Variants in KIFBP observed in about 807,000 individuals in gnomAD.
KIFBP encodes KIF-binding protein.
Under a neutral mutation model 58.9 loss-of-function variants are expected in KIFBP, and 46 were observed. The ratio of observed to expected loss-of-function variants is 0.78; its 90% CI spans 0.62 to 1.00. The LOEUF (loss-of-function observed/expected upper bound fraction) is 1.00. KIFBP is among the 50% of genes least tolerant of loss of function. The probability of loss-of-function intolerance (pLI) is 0.00; values close to 1 mark genes in which losing one functional copy is unlikely to be tolerated. For synonymous variants in KIFBP, 241 were observed against 283.4 expected (o/e 0.85, Z 1.50); for missense variants, 651 against 752.9 (o/e 0.86, Z 1.58).
intron 2 of KIFBP, 44 bp downstream of exon 2, chr10:69,000,566 GT>G: frequency 8.6e-7 from 1 of 1,165,092 alleles, no homozygotes; most frequent in Non-Finnish European, 1.3e-6. Flanking sequence ...ATTGAAACTA[GT>G]TAAGAATTGA....
At chr10:68,989,669 C>T (rs978909518) in intron 1 of KIFBP, 2 of 210,504 alleles carry the variant, frequency 9.5e-6, no homozygotes, top group African/African-American at 4.7e-5. Context: ...TGACAATGAC[C>T]GGAGTACATT....
intron 4 of KIFBP, 59 bp downstream of exon 4, chr10:69,005,974 C>G: frequency 2.1e-6 from 3 of 1,433,764 alleles, no homozygotes; most frequent in Non-Finnish European, 2.9e-6. Context: ...AAAATAGAAC[C>G]AGTAGTACCT....
intron 1 of KIFBP, chr10:68,989,680 CT>C: frequency 5.1e-6 from 1 of 197,772 alleles, no homozygotes; most frequent in Non-Finnish European, 1.0e-5. Context: ...GGAGTACATT[CT>C]TTTTTGGTTT....
intron 1 of KIFBP, among the ~76,000 whole-genome samples, chr10:68,998,006 C>A (rs143408805): frequency 0.058 from 8,758 of 152,108 alleles, 303 homozygotes; most frequent in Middle Eastern, 0.11. Flanking sequence ...CCAGCCATAC[C>A]TCCTGTACAG....
At chr10:69,007,839 G>A (rs997263899) in intron 4 of KIFBP, 8 of 152,248 alleles carry the variant, frequency 5.3e-5, no homozygotes, top group African/African-American at 1.4e-4. Context: ...CTGCTGGGTG[G>A]TCCTTTGACT....
chr10:69,008,391 A>AAAAAAATATATATATATATAT lies in KIFBP; in HGVS notation c.790-449_790-448insAAAAATATATATATATATATA. Among the ~76,000 whole-genome samples the AAAAAAATATATATATATATAT allele has an allele frequency of 1.6e-3, 111 of 71,526 alleles. 2 individuals are homozygous for AAAAAAATATATATATATATAT. Among genetic ancestry groups the AAAAAAATATATATATATATAT allele is most frequent in the Middle Eastern group, 0.01 (1 of 96 alleles). The allele number at this position is 71,526 out of a possible 152,430, so 46.9% of individuals were successfully genotyped here. A position where few individuals can be genotyped will look rare whatever the true frequency, so the allele number is the denominator to read the frequency against. On this transcript the variant is annotated intron_variant, in intron 4 of 6. Coordinates refer to ENST00000361983, the MANE Select transcript of KIFBP (RefSeq NM_015634.4). ...CCCCTGTCTCGTAAAAAAAAAAAAA[A>AAAAAAATATATATATATATAT]ATATATATATATATATATATATATA...
intron 5 of KIFBP, 51 bp downstream of exon 5, chr10:69,008,976 T>C: frequency 2.8e-6 from 4 of 1,448,942 alleles, no homozygotes; most frequent in Non-Finnish European, 1.9e-6. Flanking sequence ...AGTTTTATTT[T>C]GAAATTATTT....
chr10:68,991,602 C>A, intron 1 of KIFBP: 1 of 353,214 alleles, frequency 2.8e-6, no homozygotes, highest in Non-Finnish European at 5.9e-6. Flanking sequence ...AGCTAGCTGA[C>A]ATCCATCAAG....
In KIFBP at chr10:69,016,831, C is replaced by T. The variant is rs1058645; in HGVS notation, c.*415C>T. 8,909 of 157,562 alleles carry T rather than the reference C, an allele frequency of 0.057. 310 individuals carry two copies. Among genetic ancestry groups the T allele is most frequent in the Middle Eastern group, 0.1 (31 of 300 alleles). 9.8% of individuals were successfully genotyped at this position (157,562 alleles called of 1,614,324 possible). A position where few individuals can be genotyped will look rare whatever the true frequency, so the allele number is the denominator to read the frequency against. ...TAGTTACTCCTTCTAAAATATTTGA[C>T]TTCCTAAATTCCCCCCACCCAAAAT... is the stretch of plus-strand genomic sequence containing the variant. On this transcript the variant is annotated 3_prime_UTR_variant, in exon 7 of 7. Transcript: ENST00000361983.
rs138445500 is a variant in KIFBP at position 69,003,509 on chromosome 10, T to C, written c.526-1537T>C. ...TCAGTTAAAAGCAAGAGTGTGTTTC[T>C]AGATGGGACTATCCTCATAGAAGTA... On this transcript the variant is annotated intron_variant, in intron 2 of 6. Coordinates refer to ENST00000361983, the MANE Select transcript of KIFBP (RefSeq NM_015634.4). 2.2e-3 allele frequency among the ~76,000 whole-genome samples: 341 copies of C among 152,346 alleles called. 2 individuals are homozygous for C. The highest frequency in any genetic ancestry group is 7.6e-3 in the African/African-American group (318 of 41,584).
chr10:69,008,391 A>T (rs200355874), intron 4 of KIFBP, among the ~76,000 whole-genome samples: 2,788 of 71,472 alleles, frequency 0.039, 81 homozygotes, highest in East Asian at 0.051. Flanking sequence ...AAAAAAAAAA[A>T]ATATATATAT....
rs1357079794 is a variant in KIFBP, at chr10:68,998,771, A to ATATATTTT, written c.427-1652_427-1651insATATTTTT. ...CATACATATATGTATATATATATATATTTTTTTTTTTTTTTTTTTTTTGAG... is the reference window on the plus strand; with the variant it reads ...CATACATATATGTATATATATATATATATATTTTTTTTTTTTTTTTTTTTTTTTTTGAG... On this transcript the variant is annotated intron_variant, in intron 1 of 6. Transcript: ENST00000361983. Among the ~76,000 whole-genome samples, 103 of 99,868 alleles carry ATATATTTT rather than the reference A, an allele frequency of 1.0e-3. 1 individual carries two copies. Among genetic ancestry groups the ATATATTTT allele is most frequent in the East Asian group, 3.1e-3 (8 of 2,564 alleles). The allele number at this position is 99,868 out of a possible 152,430, so 65.5% of individuals were successfully genotyped here.
At chr10:69,010,785 C>CTTA in intron 5 of KIFBP, 115 bp from the exon 6 acceptor site, 1 of 724,960 alleles carries the variant, frequency 1.4e-6, no homozygotes, top group Non-Finnish European at 2.5e-6. Flanking sequence ...CCCCCTGCTT[C>CTTA]AGTAAAGATC....
intron 5 of KIFBP, 91 bp from the exon 6 acceptor site, chr10:69,010,809 G>T (rs960099619): frequency 4.9e-6 from 4 of 822,444 alleles, no homozygotes; most frequent in African/African-American, 3.4e-5. Flanking sequence ...TACTTTTATA[G>T]TCAGGAAAAA....
intron 1 of KIFBP, chr10:68,991,065 G>T (rs1024956871): frequency 2.6e-5 from 4 of 152,180 alleles, no homozygotes; most frequent in Admixed American, 6.6e-5. Context: ...GAGCTTAGGA[G>T]TTCAAGACCA....
Position 69,016,493 on chromosome 10 carries a change from T to C in KIFBP, c.*77T>C. ...TAGTCAGACAGGCCCAATTCCATTG[T>C]GATGTTTACCTTTATAGCCAGGTGA... On this transcript the variant is annotated 3_prime_UTR_variant, in exon 7 of 7. Coordinates refer to ENST00000361983, the MANE Select transcript of KIFBP (RefSeq NM_015634.4). The C allele has an allele frequency of 6.8e-7, 1 of 1,467,498 alleles. No homozygotes were observed. The highest frequency in any genetic ancestry group is 1.1e-5 in the South Asian group (1 of 86,982). The allele number at this position is 1,467,498 out of a possible 1,614,324, so 90.9% of individuals were successfully genotyped here. A position where few individuals can be genotyped will look rare whatever the true frequency, so the allele number is the denominator to read the frequency against.
chr10:69,005,911 A>G lies in KIFBP; in HGVS notation c.785A>G (p.Asn262Ser). Residue 262 changes from asparagine (N) to serine (S), a missense_variant, in exon 4 of 7, where the codon AAT (asparagine) becomes AGT (serine). Coordinates refer to ENST00000361983, the MANE Select transcript of KIFBP (RefSeq NM_015634.4). ...GCTACCTTGTCACAGTTTTACATCA[A>G]TAAGGTAAGCTTCTTGAAGTAGTTA... ...NAATLSQFYI[N>S]KLCFMEARHC... 2 of 1,613,586 alleles carry G rather than the reference A, an allele frequency of 1.2e-6. No individual in the cohort carries two copies. The highest frequency in any genetic ancestry group is 1.7e-4 in the Middle Eastern group (1 of 6,060).
At chr10:68,999,415 A>T (rs545071575) in intron 1 of KIFBP, among the ~76,000 whole-genome samples, 1,597 of 150,990 alleles carry the variant, frequency 0.011, 11 homozygotes, top group Non-Finnish European at 0.015. Context: ...TTTTTTTTTA[A>T]AAAAAAAGTT....
Position 68,988,993 on chromosome 10 carries a change from C to T in KIFBP, c.161C>T (p.Pro54Leu). 6.2e-7 allele frequency: 1 copy of T among 1,614,244 alleles called. No individual in the cohort carries two copies. Among genetic ancestry groups the T allele is most frequent in the Non-Finnish European group, 8.5e-7 (1 of 1,180,042 alleles). ...EEVKALLGPAPEDEDERPEAE... is the reference protein window; with the variant it reads ...EEVKALLGPALEDEDERPEAE... ...GTCAAGGCGCTGCTCGGCCCTGCGC[C>T]TGAGGACGAGGATGAGCGGCCTGAG... Residue 54 changes from proline to leucine, a missense_variant, in exon 1 of 7, where the codon CCT (proline) becomes CTT (leucine). Coordinates refer to ENST00000361983, the MANE Select transcript of KIFBP (RefSeq NM_015634.4).
Sources: gnomAD v4.1 joint callset for allele counts (sites outside exome capture counted in the v4.1 genomes callset) on GRCh38, gnomAD v4.1.1 for gene constraint, MANE v1.5 for transcripts, NCBI Gene and HGNC (gene_info 2026-07-23, HGNC 2026-07-21) for gene names.